The following GRIA4 variants were observed in gnomAD, a reference collection of about 807,000 sequenced individuals.
GRIA4 encodes glutamate ionotropic receptor AMPA type subunit 4.
In GRIA4, 34 loss-of-function variants were observed where a neutral mutation model predicts 104.0. The observed-to-expected ratio is 0.33, with a 90% CI of 0.25 to 0.44. The LOEUF (loss-of-function observed/expected upper bound fraction) is 0.44, where lower values mean the gene tolerates loss of function less well. Among genes scored for constraint, GRIA4 ranks in the 20% least tolerant of loss-of-function variants. The pLI, the probability that GRIA4 is intolerant of heterozygous loss-of-function variation, is 1.00. For synonymous variants in GRIA4, 386 were observed against 381.9 expected (o/e 1.01, Z -0.13); for missense variants, 750 against 1,096.5 (o/e 0.68, Z 4.46).
intron 14 of GRIA4, among the ~76,000 whole-genome samples, chr11:105,938,770 A>G (rs1948114573): frequency 6.6e-6 from 1 of 152,162 alleles, no homozygotes; most frequent in African/African-American, 2.4e-5. Flanking sequence ...TATTAAGTAT[A>G]CTGGTGTTTA....
chr11:105,633,771 C>T (rs1178352272), intron 3 of GRIA4, among the ~76,000 whole-genome samples: 1 of 152,106 alleles, frequency 6.6e-6, no homozygotes, highest in Admixed American at 6.6e-5. Context: ...AAGAGACTCT[C>T]TGAAATCACA....
rs996230816 is a variant in GRIA4, at chr11:105,610,695, G to C, written c.-90-213G>C. 6.8e-5 allele frequency: 22 copies of C among 322,268 alleles called. 2 individuals are homozygous for C. In the South Asian group the frequency reaches 8.3e-4, roughly 12 times the overall value. 20.0% of individuals were successfully genotyped at this position (322,268 alleles called of 1,614,324 possible). A position where few individuals can be genotyped will look rare whatever the true frequency, so the allele number is the denominator to read the frequency against. ...TCATCCCTGCGAGCAGCCACTAGACGCTCCACCACCATCTTTTGCATGTGC... is the reference window on the plus strand; with the variant it reads ...TCATCCCTGCGAGCAGCCACTAGACCCTCCACCACCATCTTTTGCATGTGC... On this transcript the variant is annotated intron_variant, in intron 1 of 16. Coordinates refer to ENST00000282499, the MANE Select transcript of GRIA4 (RefSeq NM_000829.4).
intron 7 of GRIA4, among the ~76,000 whole-genome samples, chr11:105,902,532 G>A (rs1339443095): frequency 2.0e-5 from 3 of 151,778 alleles, no homozygotes; most frequent in Admixed American, 6.6e-5. Flanking sequence ...ATGGGGTGTG[G>A]CCATGTTGCC....
chr11:105,886,947 A>G (rs1946287032), intron 5 of GRIA4, among the ~76,000 whole-genome samples: 1 of 149,490 alleles, frequency 6.7e-6, no homozygotes, highest in Admixed American at 6.7e-5. Flanking sequence ...AAGCTTTTTG[A>G]TTTTTTTTTT....
chr11:105,831,747 G>A (rs974299430), intron 4 of GRIA4, among the ~76,000 whole-genome samples: 4 of 151,964 alleles, frequency 2.6e-5, no homozygotes, highest in Admixed American at 6.6e-5. Flanking sequence ...TTGAGATAGG[G>A]GAGCAAGTGG....
intron 3 of GRIA4, among the ~76,000 whole-genome samples, chr11:105,666,644 G>C (rs1055787058): frequency 6.6e-6 from 1 of 151,888 alleles, no homozygotes; most frequent in Admixed American, 6.6e-5. Flanking sequence ...ATTTGGTGAT[G>C]TGTTGTTTTA....
In GRIA4 at chr11:105,862,209, G is replaced by T; in HGVS notation, c.672+1G>T. 6.5e-7 allele frequency: 1 copy of T among 1,530,688 alleles called. No homozygotes were observed. The highest frequency in any genetic ancestry group is 9.1e-7 in the Non-Finnish European group (1 of 1,104,962). 94.8% of individuals were successfully genotyped at this position (1,530,688 alleles called of 1,614,324 possible). ...GAGACTTCAAAACATATTAGAACAGGTAAGTCCTAGATTTTATATTTTTAA... is the reference window on the plus strand; with the variant it reads ...GAGACTTCAAAACATATTAGAACAGTTAAGTCCTAGATTTTATATTTTTAA... On this transcript the variant is annotated splice_donor_variant, in intron 5 of 16. Transcript: ENST00000282499. LOFTEE classifies it high-confidence loss of function.
At chr11:105,955,272 AC>A (rs34484575) in intron 14 of GRIA4, among the ~76,000 whole-genome samples, 1 of 150,476 alleles carries the variant, frequency 6.6e-6, no homozygotes, top group African/African-American at 2.4e-5. Flanking sequence ...CCCTCCCCTC[AC>A]CCCCAACCCT....
intron 4 of GRIA4, among the ~76,000 whole-genome samples, chr11:105,835,902 G>A (rs899446756): frequency 1.3e-5 from 2 of 151,598 alleles, no homozygotes; most frequent in African/African-American, 4.8e-5. Flanking sequence ...AATTGGATAA[G>A]AAAAAGAAAG....
intron 14 of GRIA4, among the ~76,000 whole-genome samples, chr11:105,936,832 A>G (rs1948054656): frequency 6.6e-6 from 1 of 152,226 alleles, no homozygotes; most frequent in African/African-American, 2.4e-5. Context: ...CTGTCCTTAC[A>G]GTAGAGAATG....
At chr11:105,682,084 T>G (rs1017141059) in intron 3 of GRIA4, among the ~76,000 whole-genome samples, 1 of 152,174 alleles carries the variant, frequency 6.6e-6, no homozygotes, top group Admixed American at 6.5e-5. Flanking sequence ...GATTTCTGTT[T>G]TCTTGTTTGG....
intron 3 of GRIA4, among the ~76,000 whole-genome samples, chr11:105,724,140 A>G (rs73630113): frequency 0.032 from 4,841 of 152,152 alleles, 151 homozygotes; most frequent in African/African-American, 0.083. Context: ...CTACCGTTCA[A>G]TCTAGCAATC....
At chr11:105,699,084 C>A (rs183117550) in intron 3 of GRIA4, among the ~76,000 whole-genome samples, 30 of 152,274 alleles carry the variant, frequency 2.0e-4, no homozygotes, top group Middle Eastern at 3.4e-3. Flanking sequence ...CCTTTGTACT[C>A]TTTACTAATG....
intron 4 of GRIA4, among the ~76,000 whole-genome samples, chr11:105,765,279 C>G (rs1465852130): frequency 1.3e-5 from 2 of 152,122 alleles, no homozygotes; most frequent in Non-Finnish European, 2.9e-5. Flanking sequence ...TAGAGAAATA[C>G]TCCTATTCCA....
chr11:105,953,867 T>G (rs1317347446), intron 14 of GRIA4, among the ~76,000 whole-genome samples: 1 of 152,098 alleles, frequency 6.6e-6, no homozygotes, highest in Non-Finnish European at 1.5e-5. Flanking sequence ...GGAAAGAACA[T>G]AGTTGCTAGC....
Position 105,926,840 on chromosome 11 carries a change from G to A in GRIA4, c.1947G>A (p.Glu649=). 1 of 1,611,040 alleles carries A rather than the reference G, an allele frequency of 6.2e-7. No individual in the cohort carries two copies. Among genetic ancestry groups the A allele is most frequent in the East Asian group, 2.2e-5 (1 of 44,808 alleles). Residue 649 remains glutamate, a synonymous_variant, in exon 13 of 17, where the codon GAG becomes GAA. Coordinates refer to ENST00000282499, the MANE Select transcript of GRIA4 (RefSeq NM_000829.4). The part of the protein sequence containing the change: ...TANLAAFLTV[E]RMVSPIESAE... ...ACCTCGCTGCTTTCCTGACGGTTGA[G>A]CGAATGGTCTCTCCCATAGAAAGTG...
intron 4 of GRIA4, among the ~76,000 whole-genome samples, chr11:105,754,442 C>T (rs1410833971): frequency 2.0e-5 from 3 of 152,046 alleles, no homozygotes; most frequent in Non-Finnish European, 4.4e-5. Flanking sequence ...AATTGAAGGG[C>T]CATGACGATG....
chr11:105,640,037 T>C (rs979332513), intron 3 of GRIA4, among the ~76,000 whole-genome samples: 4 of 151,924 alleles, frequency 2.6e-5, no homozygotes, highest in African/African-American at 7.2e-5. Context: ...ATGGGAAAAA[T>C]AGGTAGATAA....
intron 3 of GRIA4, among the ~76,000 whole-genome samples, chr11:105,633,847 C>T (rs889914208): frequency 6.6e-6 from 1 of 152,096 alleles, no homozygotes; most frequent in Non-Finnish European, 1.5e-5. Context: ...AGCCTCAAAA[C>T]GATGCTGAGA....
Sources: allele counts gnomAD v4.1 joint callset (sites outside exome capture counted in the v4.1 genomes callset), GRCh38; gene constraint gnomAD v4.1.1; transcripts MANE v1.5; gene names NCBI Gene and HGNC (gene_info 2026-07-23, HGNC 2026-07-21).